Variants in RAB11FIP4 observed in about 807,000 individuals in gnomAD.
The protein encoded by RAB11FIP4 is rab11 family-interacting protein 4.
Under a neutral mutation model 74.3 loss-of-function variants are expected in RAB11FIP4, and 23 were observed. The observed-to-expected ratio is 0.31, with a 90% CI of 0.22 to 0.44. The LOEUF (loss-of-function observed/expected upper bound fraction) is 0.44, where lower values mean the gene tolerates loss of function less well. Among genes scored for constraint, RAB11FIP4 ranks in the 20% least tolerant of loss-of-function variants. The probability of loss-of-function intolerance (pLI) is 1.00; values close to 1 mark genes in which losing one functional copy is unlikely to be tolerated. For synonymous variants in RAB11FIP4, 360 were observed against 359.9 expected (o/e 1.00, Z 0.00); for missense variants, 630 against 863.9 (o/e 0.73, Z 3.39).
At chr17:31,508,968 G>T (rs2072403676) in intron 3 of RAB11FIP4, 1 of 152,628 alleles carries the variant, frequency 6.6e-6, no homozygotes. Context: ...CCCTTCCTCG[G>T]TGATGTTTGT....
At chr17:31,457,297 C>G (rs1051023640) in intron 3 of RAB11FIP4, among the ~76,000 whole-genome samples, 2 of 152,068 alleles carry the variant, frequency 1.3e-5, no homozygotes, top group Non-Finnish European at 2.9e-5. Flanking sequence ...TACTTGGTCC[C>G]TGTTTGTTCA....
At chr17:31,466,653 A>G (rs2071688930) in intron 3 of RAB11FIP4, among the ~76,000 whole-genome samples, 5 of 152,120 alleles carry the variant, frequency 3.3e-5, no homozygotes. Context: ...CTCCGCTGGT[A>G]GATTATAGCT....
chr17:31,523,242 G>A lies in RAB11FIP4; in HGVS notation c.930-270G>A, dbSNP rs542184079. ...GGTAGCTGCAGGCCAGCATGCTGGCGTGAAGAGGGTTCTGAGGCCGCAGGA... is the reference window on the plus strand; with the variant it reads ...GGTAGCTGCAGGCCAGCATGCTGGCATGAAGAGGGTTCTGAGGCCGCAGGA... On this transcript the variant is annotated intron_variant, in intron 7 of 14. Coordinates refer to ENST00000621161, the MANE Select transcript of RAB11FIP4 (RefSeq NM_032932.6). 2.2e-4 allele frequency: 111 copies of A among 506,492 alleles called. No individual in the cohort carries two copies. The East Asian group carries it at 3.2e-3, about 14-fold the overall frequency. 31.4% of individuals were successfully genotyped at this position (506,492 alleles called of 1,614,324 possible). A position where few individuals can be genotyped will look rare whatever the true frequency, so the allele number is the denominator to read the frequency against.
chr17:31,476,690 T>C (rs1442736291), intron 3 of RAB11FIP4, among the ~76,000 whole-genome samples: 2 of 152,216 alleles, frequency 1.3e-5, no homozygotes, highest in African/African-American at 2.4e-5. Flanking sequence ...GGGCACCCCA[T>C]GAGCAGCCTG....
At chr17:31,467,763 G>T (rs2071699438) in intron 3 of RAB11FIP4, among the ~76,000 whole-genome samples, 1 of 152,204 alleles carries the variant, frequency 6.6e-6, no homozygotes, top group Non-Finnish European at 1.5e-5. Flanking sequence ...CAGTGCCCAA[G>T]GGAGGGCAGC....
intron 4 of RAB11FIP4, among the ~76,000 whole-genome samples, chr17:31,520,105 A>G (rs2072634246): frequency 6.6e-6 from 1 of 150,976 alleles, no homozygotes; most frequent in Admixed American, 6.6e-5. Flanking sequence ...AAAAAAAAAA[A>G]AAAAAAAAAG....
At chr17:31,416,334 G>A (rs1189423142) in intron 1 of RAB11FIP4, among the ~76,000 whole-genome samples, 2 of 152,200 alleles carry the variant, frequency 1.3e-5, no homozygotes, top group Non-Finnish European at 2.9e-5. Flanking sequence ...GAGGGGAGCG[G>A]GCTTAGGGAG....
chr17:31,432,187 C>T (rs2071316817), intron 2 of RAB11FIP4, among the ~76,000 whole-genome samples: 1 of 152,132 alleles, frequency 6.6e-6, no homozygotes, highest in African/African-American at 2.4e-5. Context: ...TCCTCTTCCT[C>T]TCTCTCCCGC....
chr17:31,530,780 A>G (rs1233221838), intron 14 of RAB11FIP4, among the ~76,000 whole-genome samples: 2 of 152,182 alleles, frequency 1.3e-5, no homozygotes, highest in East Asian at 3.8e-4. Context: ...GGGTTAGGCT[A>G]TCACTCCCGC....
At chr17:31,521,128 T>A (rs757359329) in intron 4 of RAB11FIP4, 38 bp from the exon 5 acceptor site, 13 of 1,462,628 alleles carry the variant, frequency 8.9e-6, no homozygotes, top group Non-Finnish European at 1.2e-5. Context: ...TGGGGACCCA[T>A]GAGTCCTCCT....
chr17:31,431,959 C>T, intron 2 of RAB11FIP4, 59 bp downstream of exon 2: 1 of 1,286,226 alleles, frequency 7.8e-7, no homozygotes, highest in Non-Finnish European at 1.1e-6. Flanking sequence ...GCTGGGGAAG[C>T]TGGTGTGACT....
chr17:31,426,325 G>A (rs2071249376), intron 1 of RAB11FIP4, among the ~76,000 whole-genome samples: 1 of 152,142 alleles, frequency 6.6e-6, no homozygotes, highest in South Asian at 2.1e-4. Flanking sequence ...CAGTGACTTT[G>A]TCTAAATGTC....
At chr17:31,392,300 G>A in intron 1 of RAB11FIP4, 1 of 265,164 alleles carries the variant, frequency 3.8e-6, no homozygotes, top group Non-Finnish European at 7.2e-6. Context: ...TGAGCGGTCT[G>A]CACATCCACC....
At chr17:31,476,541 C>T (rs548250927) in intron 3 of RAB11FIP4, among the ~76,000 whole-genome samples, 5 of 152,312 alleles carry the variant, frequency 3.3e-5, no homozygotes, top group Admixed American at 1.3e-4. Flanking sequence ...AGAGACTAGA[C>T]GAGCTACAGG....
At chr17:31,471,975 A>G (rs1420990965) in intron 3 of RAB11FIP4, among the ~76,000 whole-genome samples, 2 of 152,114 alleles carry the variant, frequency 1.3e-5, no homozygotes, top group African/African-American at 4.8e-5. Flanking sequence ...ATCCCGGCCA[A>G]CATAGTGAAA....
chr17:31,469,659 A>T (rs1395246147), intron 3 of RAB11FIP4, among the ~76,000 whole-genome samples: 2 of 149,950 alleles, frequency 1.3e-5, no homozygotes, highest in Non-Finnish European at 3.0e-5. Flanking sequence ...AAGCGAGACT[A>T]TATCTAGGAG....
chr17:31,445,532 T>TTA (rs1208804229), intron 3 of RAB11FIP4, among the ~76,000 whole-genome samples: 276 of 36,474 alleles, frequency 7.6e-3, no homozygotes, highest in African/African-American at 0.017. Context: ...TTTCCCAATT[T>TTA]TATATATATA....
intron 3 of RAB11FIP4, among the ~76,000 whole-genome samples, chr17:31,444,355 C>A (rs1444926796): frequency 6.6e-6 from 1 of 151,036 alleles, no homozygotes; most frequent in Admixed American, 6.6e-5. Context: ...CAACACCCCC[C>A]CCACCCTTCT....
rs2072674699 is a variant in RAB11FIP4, at chr17:31,521,950, A to G, written c.794A>G (p.Tyr265Cys). 1 of 1,614,222 alleles carries G rather than the reference A, an allele frequency of 6.2e-7. No individual in the cohort carries two copies. Among genetic ancestry groups the G allele is most frequent in the Non-Finnish European group, 8.5e-7 (1 of 1,180,044 alleles). Residue 265 changes from tyrosine to cysteine, a missense_variant, in exon 6 of 15, where the codon TAC becomes TGC. Tyr to Cys is a radical substitution (Grantham distance 194). Transcript: ENST00000621161. Reference protein sequence around the residue: ...GQTPRKMRHVYNSELLDVYCS... With the variant: ...GQTPRKMRHVCNSELLDVYCS... Reference sequence around the variant, plus strand: ...ACGCCTAGGAAAATGCGGCACGTGTACAACAGCGAATTGCTAGATGTTTAC... The same window carrying G: ...ACGCCTAGGAAAATGCGGCACGTGTGCAACAGCGAATTGCTAGATGTTTAC...
Sources: allele counts gnomAD v4.1 joint callset (sites outside exome capture counted in the v4.1 genomes callset), GRCh38; gene constraint gnomAD v4.1.1; transcripts MANE v1.5; gene names NCBI Gene and HGNC (gene_info 2026-07-23, HGNC 2026-07-21).